The following KIAA0753 variants were observed in gnomAD, a reference collection of about 807,000 sequenced individuals.
KIAA0753 encodes the protein protein moonraker.
In KIAA0753, 114 loss-of-function variants were observed where a neutral mutation model predicts 116.9. The observed-to-expected ratio is 0.98, with a 90% CI of 0.84 to 1.14. The LOEUF is 1.14. KIAA0753 is among the 50% of genes most tolerant of loss of function. The pLI, the probability that KIAA0753 is intolerant of heterozygous loss-of-function variation, is 0.00. For synonymous variants in KIAA0753, 405 were observed against 413.1 expected, an observed-to-expected ratio of 0.98 and a Z score of 0.24; for missense variants, 1,156 against 1,172.4, an observed-to-expected ratio of 0.99 and a Z score of 0.20.
chr17:6,635,335 T>A, intron 1 of KIAA0753, 164 bp from the exon 2 acceptor site: 2 of 316,212 alleles, frequency 6.3e-6, no homozygotes, highest in Non-Finnish European at 1.1e-5. Flanking sequence ...TTCTTCCATT[T>A]ATAAAAGCAA....
rs375354746 is a variant in KIAA0753 at position 6,622,917 on chromosome 17, G to T, written c.1069C>A (p.Pro357Thr). 27 of 1,614,006 alleles carry T rather than the reference G, an allele frequency of 1.7e-5. No homozygotes were observed. Among genetic ancestry groups the T allele is most frequent in the Non-Finnish European group, 2.2e-5 (26 of 1,179,962 alleles). Residue 357 changes from proline to threonine, a missense_variant, in exon 6 of 19, where the codon CCT (proline) becomes ACT (threonine). Pro to Thr is a conservative substitution (Grantham distance 38). Coordinates refer to ENST00000361413, the MANE Select transcript of KIAA0753 (RefSeq NM_014804.3). ...TGCAGAATATCTATAACCACATCAGGAACAGAAGGGTCTGCATCCAGCTTG... is the reference window on the plus strand; with the variant it reads ...TGCAGAATATCTATAACCACATCAGTAACAGAAGGGTCTGCATCCAGCTTG... ...SVKLDADPSV[P>T]DVVIDILQQI...
chr17:6,585,154 T>C (rs1404905912), intron 18 of KIAA0753, among the ~76,000 whole-genome samples: 2 of 152,234 alleles, frequency 1.3e-5, no homozygotes, highest in Non-Finnish European at 2.9e-5. Flanking sequence ...GAGCACATGC[T>C]AGGTTAAATT....
At chr17:6,597,259 C>A (rs1969547494) in intron 14 of KIAA0753, among the ~76,000 whole-genome samples, 1 of 151,672 alleles carries the variant, frequency 6.6e-6, no homozygotes, top group Non-Finnish European at 1.5e-5. Context: ...ATGTTAATGG[C>A]CAATAAAGAT....
At chr17:6,596,118 G>A (rs1437464584) in intron 15 of KIAA0753, 40 bp downstream of exon 15, 2 of 1,590,572 alleles carry the variant, frequency 1.3e-6, no homozygotes, top group Admixed American at 1.7e-5. Context: ...GCAGAGGCCA[G>A]CCCCTAGCAG....
intron 8 of KIAA0753, among the ~76,000 whole-genome samples, chr17:6,611,016 T>C (rs1970504284): frequency 6.6e-6 from 1 of 152,194 alleles, no homozygotes; most frequent in African/African-American, 2.4e-5. Context: ...ACTCTCCTTT[T>C]CTGGAGGCCA....
At chr17:6,626,439 T>C (rs149171746) in intron 3 of KIAA0753, among the ~76,000 whole-genome samples, 6 of 152,328 alleles carry the variant, frequency 3.9e-5, no homozygotes, top group African/African-American at 7.2e-5. Flanking sequence ...CAAGAGACCC[T>C]ATATGTCTAA....
Position 6,628,232 on chromosome 17 carries a change from A to C in KIAA0753, c.603T>G (p.His201Gln), listed in dbSNP as rs16955985. 0.036 allele frequency: 58,233 copies of C among 1,613,956 alleles called. 2,037 individuals carry two copies. Among genetic ancestry groups the C allele is most frequent in the African/African-American group, 0.18 (13,159 of 74,922 alleles). The change falls in exon 3 of 19, where the codon CAT (histidine) becomes CAG (glutamine). Residue 201 changes from histidine (H) to glutamine (Q), a missense_variant. His to Gln is a conservative substitution (Grantham distance 24). Transcript: ENST00000361413. ...TGTTTTTGTGGTCACCTATCCTGGG[A>C]TGAGGCTGAAGTCCCGGATCATGGG... ...PPTHDPGLQP[H>Q]PRIGDHKNIS...
chr17:6,604,740 T>A (rs759173605), intron 12 of KIAA0753, among the ~76,000 whole-genome samples: 1 of 151,896 alleles, frequency 6.6e-6, no homozygotes, highest in Admixed American at 6.6e-5. Flanking sequence ...AATATCCTGG[T>A]TGTAGTACTG....
At chr17:6,623,376 C>T in intron 5 of KIAA0753, 133 bp downstream of exon 5, 1 of 722,364 alleles carries the variant, frequency 1.4e-6, no homozygotes, top group Non-Finnish European at 2.3e-6. Flanking sequence ...ATGTAAGGTG[C>T]TCACTCCCTC....
At chr17:6,623,670 C>A in intron 4 of KIAA0753, 99 bp from the exon 5 acceptor site, 1 of 1,439,736 alleles carries the variant, frequency 6.9e-7, no homozygotes, top group Non-Finnish European at 9.1e-7. Flanking sequence ...CCAAATATAA[C>A]CATTATTAAT....
intron 9 of KIAA0753, 48 bp downstream of exon 9, chr17:6,609,946 G>A: frequency 6.3e-7 from 1 of 1,596,872 alleles, no homozygotes; most frequent in East Asian, 2.2e-5. Flanking sequence ...GATATATGGA[G>A]GAAAAAGAGC....
At chr17:6,582,435 C>G (rs1305260623) in intron 18 of KIAA0753, among the ~76,000 whole-genome samples, 3 of 152,190 alleles carry the variant, frequency 2.0e-5, no homozygotes, top group Non-Finnish European at 2.9e-5. Context: ...GTATAAGAAA[C>G]ATTAACATGG....
intron 16 of KIAA0753, among the ~76,000 whole-genome samples, chr17:6,593,377 A>G (rs1469532687): frequency 6.6e-6 from 1 of 152,164 alleles, no homozygotes; most frequent in Non-Finnish European, 1.5e-5. Flanking sequence ...GAATCCCAGC[A>G]CTTCGGGAGG....
intron 12 of KIAA0753, among the ~76,000 whole-genome samples, chr17:6,601,477 A>G (rs1238643941): frequency 6.6e-6 from 1 of 152,234 alleles, no homozygotes; most frequent in African/African-American, 2.4e-5. Context: ...TCTGGGCCAA[A>G]GATCAGAAAA....
intron 3 of KIAA0753, 86 bp from the exon 4 acceptor site, chr17:6,624,947 T>C: frequency 3.4e-6 from 3 of 882,160 alleles, no homozygotes; most frequent in Non-Finnish European, 5.3e-6. Flanking sequence ...ACAGAAATAA[T>C]AAAGTTGAAG....
At chr17:6,620,730 T>G in intron 7 of KIAA0753, 58 bp downstream of exon 7, 1 of 1,540,650 alleles carries the variant, frequency 6.5e-7, no homozygotes. Flanking sequence ...GTAACTGTTA[T>G]AGCCCAGATA....
chr17:6,631,813 T>C (rs766161140), intron 2 of KIAA0753, among the ~76,000 whole-genome samples: 3 of 152,188 alleles, frequency 2.0e-5, no homozygotes, highest in Non-Finnish European at 4.4e-5. Context: ...CACTGAAGAA[T>C]CAAAGTCTCC....
chr17:6,580,959 G>A lies in KIAA0753; in HGVS notation c.2787-1095C>T, dbSNP rs543067078. ...TCATTTTCTGAACGGCGCAAGCTTC[G>A]TATCTCCCAAGTAGCCCTACAAACA... On this transcript the variant is annotated intron_variant, in intron 18 of 18. Transcript: ENST00000361413. Among the ~76,000 whole-genome samples, 55 of 151,138 alleles carry A rather than the reference G, an allele frequency of 3.6e-4. 1 individual carries two copies. The highest frequency in any genetic ancestry group is 1.2e-3 in the African/African-American group (48 of 41,032).
chr17:6,607,049 C>T (rs1299768192), intron 11 of KIAA0753, 87 bp from the exon 12 acceptor site: 1 of 1,447,136 alleles, frequency 6.9e-7, no homozygotes, highest in African/African-American at 1.4e-5. Context: ...CCCCCCTTGG[C>T]TTCTTAAGTG....
Sources: allele counts gnomAD v4.1 joint callset (sites outside exome capture counted in the v4.1 genomes callset), GRCh38; gene constraint gnomAD v4.1.1; transcripts MANE v1.5; gene names NCBI Gene and HGNC (gene_info 2026-07-23, HGNC 2026-07-21).